KCNIP4: variants seen among roughly 807,000 people sequenced by gnomAD.
KCNIP4 encodes Kv channel-interacting protein 4.
A neutral mutation model predicts 34.0 loss-of-function variants in KCNIP4; 12 were observed. The ratio of observed to expected loss-of-function variants is 0.35; its 90% CI spans 0.23 to 0.57. The LOEUF is 0.57. Among genes scored for constraint, KCNIP4 ranks in the 20% least tolerant of loss-of-function variants. The probability of loss-of-function intolerance (pLI) is 0.83; values close to 1 mark genes in which losing one functional copy is unlikely to be tolerated. For missense variants in KCNIP4, 238 were observed against 311.7 expected, an observed-to-expected ratio of 0.76 and a Z score of 1.78; for synonymous variants, 124 against 102.2, an observed-to-expected ratio of 1.21 and a Z score of -1.29.
intron 4 of KCNIP4, among the ~76,000 whole-genome samples, chr4:20,753,904 T>TCA (rs1754064100): frequency 1.5e-5 from 1 of 66,338 alleles, no homozygotes. Flanking sequence ...TTGAGCTCAT[T>TCA]TGTTCATTCA....
chr4:21,213,964 A>G (rs988725877), intron 1 of KCNIP4, among the ~76,000 whole-genome samples: 4 of 152,180 alleles, frequency 2.6e-5, no homozygotes, highest in Non-Finnish European at 4.4e-5. Flanking sequence ...CAGCCCAGAC[A>G]CTGCATTTAC....
chr4:21,255,906 C>A (rs1231865638), intron 1 of KCNIP4, among the ~76,000 whole-genome samples: 1 of 152,014 alleles, frequency 6.6e-6, no homozygotes, highest in Non-Finnish European at 1.5e-5. Context: ...GATCAAGTGC[C>A]TATAATATGT....
intron 1 of KCNIP4, among the ~76,000 whole-genome samples, chr4:21,015,816 C>CATATATAAAATATATACAATATATACA (rs1166858638): frequency 8.2e-6 from 1 of 121,292 alleles, no homozygotes; most frequent in Non-Finnish European, 1.7e-5. Flanking sequence ...CTATATATAC[C>CATATATAAAATATATACAATATATACA]ATATATAAAA....
At chr4:21,061,878 G>A (rs1185729751) in intron 1 of KCNIP4, among the ~76,000 whole-genome samples, 2 of 152,060 alleles carry the variant, frequency 1.3e-5, no homozygotes, top group East Asian at 1.9e-4. Context: ...AATAAGAAAA[G>A]GAGATTAGAA....
chr4:20,813,767 A>C (rs1027316165), intron 3 of KCNIP4, among the ~76,000 whole-genome samples: 1 of 152,218 alleles, frequency 6.6e-6, no homozygotes, highest in Non-Finnish European at 1.5e-5. Context: ...AGTTTCTTCA[A>C]AGTTGAACTT....
At chr4:21,784,272 C>G (rs976552249) in intron 1 of KCNIP4, among the ~76,000 whole-genome samples, 1 of 152,018 alleles carries the variant, frequency 6.6e-6, no homozygotes, top group African/African-American at 2.4e-5. Flanking sequence ...GGGACAGAGC[C>G]AAACCATATC....
chr4:21,428,358 C>T (rs1726112320), intron 1 of KCNIP4, among the ~76,000 whole-genome samples: 1 of 152,160 alleles, frequency 6.6e-6, no homozygotes, highest in African/African-American at 2.4e-5. Flanking sequence ...ACCACCAGGA[C>T]ACTGATAGAG....
At position 21,591,214 on chromosome 4, in the gene KCNIP4, G is replaced by A. The variant is rs1013537895; in HGVS notation, c.61+357357C>T. On this transcript the variant is annotated intron_variant, in intron 1 of 8. Coordinates refer to ENST00000382152, the MANE Select transcript of KCNIP4 (RefSeq NM_025221.6). ...ATAAAAAACAAGGAGGAACGTTATA[G>A]GAATGAACATTTTACTTCTGTATTA... is the stretch of plus-strand genomic sequence containing the variant. 3.2e-4 allele frequency among the ~76,000 whole-genome samples: 48 copies of A among 151,904 alleles called. 1 individual carries two copies. The highest frequency in any genetic ancestry group is 1.0e-3 in the African/African-American group (43 of 41,406).
At chr4:21,505,107 C>T (rs928157038) in intron 1 of KCNIP4, among the ~76,000 whole-genome samples, 51 of 152,140 alleles carry the variant, frequency 3.4e-4, no homozygotes, top group African/African-American at 1.2e-3. Flanking sequence ...CATTGAGCTG[C>T]TTTCAAAGCA....
Position 21,704,102 on chromosome 4 carries a change from C to T in KCNIP4, c.61+244469G>A, listed in dbSNP as rs80081923. On this transcript the variant is annotated intron_variant, in intron 1 of 8. Coordinates refer to ENST00000382152, the MANE Select transcript of KCNIP4 (RefSeq NM_025221.6). ...AGGAAAGACAGCCTTTCAACAGTGA[C>T]GCTGGAGCAAATGGACATCCATAGG... Among the ~76,000 whole-genome samples the T allele has an allele frequency of 4.9e-3, 744 of 152,200 alleles. 13 individuals carry two copies. Among genetic ancestry groups the T allele is most frequent in the Admixed American group, 0.03 (461 of 15,256 alleles).
At chr4:20,858,017 G>A (rs537240081) in intron 2 of KCNIP4, among the ~76,000 whole-genome samples, 9 of 151,752 alleles carry the variant, frequency 5.9e-5, no homozygotes, top group Non-Finnish European at 7.4e-5. Context: ...AGACCAGCCT[G>A]GCCAACATGG....
At chr4:21,848,054 C>A (rs1042010454) in intron 1 of KCNIP4, 1 of 152,102 alleles carries the variant, frequency 6.6e-6, no homozygotes, top group Non-Finnish European at 1.5e-5. Context: ...GAGTCTGGCA[C>A]CATTCTGAAG....
chr4:21,490,509 CA>C (rs1405427163), intron 1 of KCNIP4, among the ~76,000 whole-genome samples: 1 of 151,920 alleles, frequency 6.6e-6, no homozygotes, highest in Non-Finnish European at 1.5e-5. Flanking sequence ...AAAACAACAA[CA>C]AACAACCACC....
intron 1 of KCNIP4, among the ~76,000 whole-genome samples, chr4:21,358,125 C>T (rs1194645477): frequency 6.6e-6 from 1 of 151,998 alleles, no homozygotes; most frequent in Non-Finnish European, 1.5e-5. Context: ...ACAATGACAA[C>T]ACTTGGACAC....
chr4:21,519,425 C>CATATGTGTGTATATGTATGTGCATATAT (rs1560479390), intron 1 of KCNIP4, among the ~76,000 whole-genome samples: 1 of 87,676 alleles, frequency 1.1e-5, no homozygotes. Context: ...TGTATATATA[C>CATATGTGTGTATATGTATGTGCATATAT]ACATATGTGT....
At chr4:21,341,372 G>A (rs1307300348) in intron 1 of KCNIP4, among the ~76,000 whole-genome samples, 4 of 152,066 alleles carry the variant, frequency 2.6e-5, no homozygotes, top group Non-Finnish European at 5.9e-5. Flanking sequence ...CCTTACATAA[G>A]CAGAGAACCA....
chr4:21,576,936 G>T (rs548719441), intron 1 of KCNIP4, among the ~76,000 whole-genome samples: 18 of 152,020 alleles, frequency 1.2e-4, no homozygotes, highest in African/African-American at 3.6e-4. Context: ...AATAGTAATA[G>T]AATTTATTAT....
intron 3 of KCNIP4, among the ~76,000 whole-genome samples, chr4:20,840,357 A>T (rs529736744): frequency 6.6e-6 from 1 of 152,296 alleles, no homozygotes; most frequent in South Asian, 2.1e-4. Context: ...AACTAGAGAC[A>T]GTCTTGGGAA....
At chr4:21,626,228 C>A (rs559858633) in intron 1 of KCNIP4, among the ~76,000 whole-genome samples, 13 of 152,048 alleles carry the variant, frequency 8.5e-5, no homozygotes. Flanking sequence ...TGTTTGTGTT[C>A]CTCCTAAAGT....
Sources: gnomAD v4.1 joint callset for allele counts (sites outside exome capture counted in the v4.1 genomes callset) on GRCh38, gnomAD v4.1.1 for gene constraint, MANE v1.5 for transcripts, NCBI Gene and HGNC (gene_info 2026-07-23, HGNC 2026-07-21) for gene names.